The following ARHGAP32 variants were observed in gnomAD, a reference collection of about 807,000 sequenced individuals.
The protein encoded by ARHGAP32 is rho GTPase-activating protein 32.
A neutral mutation model predicts 186.5 loss-of-function variants in ARHGAP32; 51 were observed. The observed-to-expected ratio is 0.27, with a 90% CI of 0.22 to 0.35. The LOEUF (loss-of-function observed/expected upper bound fraction) is 0.35. Ranked by LOEUF, ARHGAP32 falls within the 10% of genes least tolerant of loss-of-function variation. The pLI is 1.00. For missense variants in ARHGAP32, 2,186 were observed against 2,623.5 expected (o/e 0.83, Z 3.64); for synonymous variants, 950 against 964.3 (o/e 0.99, Z 0.27).
chr11:129,262,147 T>C (rs962925620), intron 1 of ARHGAP32, among the ~76,000 whole-genome samples: 4 of 152,276 alleles, frequency 2.6e-5, no homozygotes, highest in African/African-American at 2.4e-5. Flanking sequence ...AGAATTAAAA[T>C]AGATCTTGCA....
intron 11 of ARHGAP32, among the ~76,000 whole-genome samples, chr11:129,037,879 G>T (rs766376649): frequency 7.9e-5 from 12 of 151,926 alleles, no homozygotes; most frequent in Non-Finnish European, 1.6e-4. Flanking sequence ...GAGGTGGGCG[G>T]ATCACGATGT....
At chr11:128,996,520 T>C (rs2134722283) in intron 12 of ARHGAP32, among the ~76,000 whole-genome samples, 1 of 152,318 alleles carries the variant, frequency 6.6e-6, no homozygotes, top group East Asian at 1.9e-4. Context: ...ACAAAATCAA[T>C]TCACATTGGC....
chr11:129,170,848 T>C (rs958202223), intron 1 of ARHGAP32, among the ~76,000 whole-genome samples: 1 of 152,222 alleles, frequency 6.6e-6, no homozygotes, highest in East Asian at 1.9e-4. Context: ...CCTGACTTTT[T>C]AATAATCGCC....
rs533538134 is a variant in ARHGAP32 at position 129,158,807 on chromosome 11, T to A, written c.225+5512A>T. Among the ~76,000 whole-genome samples, 5 of 152,240 alleles carry A rather than the reference T, an allele frequency of 3.3e-5. No homozygotes were observed. The South Asian group carries it at 1.0e-3, about 32-fold the overall frequency. ...TGTATTCTAAAACTGACCACATAATTGGAAGTAAAACACTCCTCAGCAAAT... is the reference window on the plus strand; with the variant it reads ...TGTATTCTAAAACTGACCACATAATAGGAAGTAAAACACTCCTCAGCAAAT... On this transcript the variant is annotated intron_variant, in intron 2 of 22. Coordinates refer to ENST00000682385, the MANE Select transcript of ARHGAP32 (RefSeq NM_001378024.1).
intron 10 of ARHGAP32, among the ~76,000 whole-genome samples, chr11:129,048,267 T>C (rs1939894616): frequency 6.6e-6 from 1 of 152,142 alleles, no homozygotes; most frequent in Non-Finnish European, 1.5e-5. Context: ...GAGTTGGGCA[T>C]AAATATGGTT....
chr11:128,985,472 G>A (rs1174825980), intron 15 of ARHGAP32, among the ~76,000 whole-genome samples: 4 of 151,988 alleles, frequency 2.6e-5, no homozygotes. Flanking sequence ...TTTGCATACT[G>A]GAATCTAGTT....
intron 1 of ARHGAP32, among the ~76,000 whole-genome samples, chr11:129,277,466 A>G (rs1317258554): frequency 6.6e-6 from 1 of 152,202 alleles, no homozygotes; most frequent in African/African-American, 2.4e-5. Flanking sequence ...AGGTTCTTCC[A>G]ACTAACATTT....
At chr11:129,256,535 C>G in intron 1 of ARHGAP32, among the ~76,000 whole-genome samples, 1 of 152,100 alleles carries the variant, frequency 6.6e-6, no homozygotes, top group East Asian at 1.9e-4. Context: ...ATGCTACAGG[C>G]TATTTTTGAA....
At chr11:129,188,952 T>C (rs949622432) in intron 1 of ARHGAP32, among the ~76,000 whole-genome samples, 2 of 152,172 alleles carry the variant, frequency 1.3e-5, no homozygotes, top group African/African-American at 4.8e-5. Flanking sequence ...CAAAATCATA[T>C]GATAAACATT....
At chr11:129,278,655 A>T (rs1945565762) in intron 1 of ARHGAP32, among the ~76,000 whole-genome samples, 1 of 151,886 alleles carries the variant, frequency 6.6e-6, no homozygotes, top group Non-Finnish European at 1.5e-5. Flanking sequence ...CGAGGGGGGA[A>T]CTCCACGGGA....
chr11:129,003,117 A>T (rs909136785), intron 11 of ARHGAP32, among the ~76,000 whole-genome samples: 16 of 152,266 alleles, frequency 1.1e-4, no homozygotes, highest in Non-Finnish European at 8.8e-5. Context: ...AATTTTTATT[A>T]AATGCTTTTT....
At chr11:129,029,801 C>CAAAAA (rs34762356) in intron 11 of ARHGAP32, among the ~76,000 whole-genome samples, 667 of 46,748 alleles carry the variant, frequency 0.014, 146 homozygotes, top group Middle Eastern at 0.053. Context: ...GACTCCGTCT[C>CAAAAA]AAAAAAAAAA....
intron 1 of ARHGAP32, chr11:129,279,043 T>G (rs1000414544): frequency 6.8e-6 from 1 of 146,724 alleles, no homozygotes; most frequent in Admixed American, 6.7e-5. Context: ...ACCCTCACTC[T>G]AAAAAGAATA....
intron 2 of ARHGAP32, among the ~76,000 whole-genome samples, chr11:129,156,884 A>C (rs1185664882): frequency 2.0e-5 from 3 of 152,216 alleles, no homozygotes; most frequent in African/African-American, 7.2e-5. Context: ...AGAAAGGAAC[A>C]CACAGCAAAC....
intron 1 of ARHGAP32, among the ~76,000 whole-genome samples, chr11:129,215,641 T>G (rs530654103): frequency 9.2e-5 from 14 of 152,266 alleles, no homozygotes; most frequent in African/African-American, 3.1e-4. Flanking sequence ...TTGCTTCTGT[T>G]ATTACATCTA....
At position 128,993,266 on chromosome 11, in the gene ARHGAP32, T is replaced by C. The variant is rs1946111585; in HGVS notation, c.1195+5053A>G. On this transcript the variant is annotated intron_variant, in intron 12 of 22. Transcript: ENST00000682385. The stretch of plus-strand genomic sequence containing the variant: ...ATATGGAATGCTTCACGAATTTGTG[T>C]GTCATTTTTGTGCAGGGGTCACACT... 3 of 152,204 alleles carry C rather than the reference T, an allele frequency of 2.0e-5. No individual in the cohort carries two copies. The South Asian group carries it at 6.2e-4, about 32-fold the overall frequency. The allele number at this position is 152,204 out of a possible 1,614,324, so 9.4% of individuals were successfully genotyped here. A position where few individuals can be genotyped will look rare whatever the true frequency, so the allele number is the denominator to read the frequency against.
intron 2 of ARHGAP32, among the ~76,000 whole-genome samples, chr11:129,158,565 T>C (rs191202980): frequency 2.0e-4 from 31 of 152,128 alleles, no homozygotes; most frequent in Admixed American, 1.7e-3. Flanking sequence ...ATAGAGCAAG[T>C]TTTTAGAGAC....
intron 1 of ARHGAP32, among the ~76,000 whole-genome samples, chr11:129,215,605 C>A (rs886108477): frequency 1.3e-5 from 2 of 152,046 alleles, no homozygotes; most frequent in Non-Finnish European, 2.9e-5. Flanking sequence ...TGGCTCATGA[C>A]CCCTCCCTCA....
At chr11:129,141,623 A>T (rs1477297947) in intron 2 of ARHGAP32, among the ~76,000 whole-genome samples, 4 of 88,020 alleles carry the variant, frequency 4.5e-5, no homozygotes, top group Admixed American at 1.2e-4. Flanking sequence ...AAGTATAATT[A>T]AAAAAAAAAA....
Sources: allele counts gnomAD v4.1 joint callset (sites outside exome capture counted in the v4.1 genomes callset), GRCh38; gene constraint gnomAD v4.1.1; transcripts MANE v1.5; gene names NCBI Gene and HGNC (gene_info 2026-07-23, HGNC 2026-07-21).